DPP6: variants seen among roughly 807,000 people sequenced by gnomAD.
DPP6 encodes the protein A-type potassium channel modulatory protein DPP6.
In DPP6, 69 loss-of-function variants were observed where a neutral mutation model predicts 122.6. That is an observed-to-expected ratio of 0.56 (90% CI 0.46 to 0.69). The LOEUF is 0.69. DPP6 is among the 30% of genes least tolerant of loss of function. The pLI is 0.00. For missense variants in DPP6, 928 were observed against 1,116.9 expected, an observed-to-expected ratio of 0.83 and a Z score of 2.41; for synonymous variants, 418 against 433.1, an observed-to-expected ratio of 0.97 and a Z score of 0.43.
chr7:154,619,069 T>C (rs778144202), intron 5 of DPP6, among the ~76,000 whole-genome samples: 3 of 152,196 alleles, frequency 2.0e-5, no homozygotes, highest in Non-Finnish European at 2.9e-5. Flanking sequence ...CCATGTAAGA[T>C]GTGACTTTGC....
At chr7:153,923,111 G>C (rs540855866) in intron 1 of DPP6, among the ~76,000 whole-genome samples, 1 of 152,196 alleles carries the variant, frequency 6.6e-6, no homozygotes, top group South Asian at 2.1e-4. Context: ...ACCAGCTGCC[G>C]CCAAACAGCC....
At chr7:153,851,659 A>T in the DPP6 span, among the ~76,000 whole-genome samples, 1 of 152,112 alleles carries the variant, frequency 6.6e-6, no homozygotes. Flanking sequence ...TATAAAGAAT[A>T]ATTTCAATAT....
the DPP6 span, among the ~76,000 whole-genome samples, chr7:153,847,755 GT>G: frequency 4.6e-5 from 7 of 152,126 alleles, no homozygotes; most frequent in Non-Finnish European, 7.3e-5. Flanking sequence ...TCTATGTCCA[GT>G]TTTTTTCATC....
chr7:154,663,141 G>A lies in DPP6; in HGVS notation c.681-6219G>A, dbSNP rs1453547834. 4.2e-4 allele frequency among the ~76,000 whole-genome samples: 26 copies of A among 62,480 alleles called. 7 individuals are homozygous for A. Among genetic ancestry groups the A allele is most frequent in the Non-Finnish European group, 9.0e-4 (22 of 24,314 alleles). 41.0% of individuals were successfully genotyped at this position (62,480 alleles called of 152,430 possible). A position where few individuals can be genotyped will look rare whatever the true frequency, so the allele number is the denominator to read the frequency against. ...ATGGCATATTGGCCGTAGTGTTCAC[G>A]CAGTCATGGTGAATCACCATGGCGT... On this transcript the variant is annotated intron_variant, in intron 6 of 25. Transcript: ENST00000377770.
chr7:153,841,876 G>A, the DPP6 span, among the ~76,000 whole-genome samples: 3 of 152,166 alleles, frequency 2.0e-5, no homozygotes, highest in South Asian at 2.1e-4. Flanking sequence ...CTTTCTATGC[G>A]TTATATTCGT....
At chr7:153,884,974 G>A (rs1469915973), upstream of DPP6, among the ~76,000 whole-genome samples, 2 of 116,180 alleles carry the variant, frequency 1.7e-5, no homozygotes, top group South Asian at 3.4e-4. Context: ...GCAAGACTCC[G>A]TCTCAAAACA....
intron 8 of DPP6, among the ~76,000 whole-genome samples, chr7:154,764,941 AAGC>A (rs907767391): frequency 3.9e-5 from 6 of 152,062 alleles, no homozygotes; most frequent in Non-Finnish European, 8.8e-5. Context: ...ACTCCTAAGA[AAGC>A]AGCACCAAAC....
At chr7:153,855,214 T>G in the DPP6 span, among the ~76,000 whole-genome samples, 2 of 151,156 alleles carry the variant, frequency 1.3e-5, no homozygotes, top group African/African-American at 4.9e-5. Context: ...AATGTGCACA[T>G]GTACCCTAAA....
At chr7:154,466,203 C>T (rs539904796) in intron 2 of DPP6, among the ~76,000 whole-genome samples, 11 of 147,166 alleles carry the variant, frequency 7.5e-5, no homozygotes, top group Non-Finnish European at 8.9e-5. Flanking sequence ...TGGGGCCTGT[C>T]GAGGGGTGGG....
intron 3 of DPP6, among the ~76,000 whole-genome samples, chr7:154,479,132 A>T (rs1563735068): frequency 1.3e-5 from 2 of 152,212 alleles, no homozygotes; most frequent in Non-Finnish European, 2.9e-5. Context: ...TTAATTTTTT[A>T]AATCTACCTT....
intron 1 of DPP6, among the ~76,000 whole-genome samples, chr7:154,090,733 A>G (rs542020785): frequency 1.3e-5 from 2 of 149,638 alleles, no homozygotes; most frequent in East Asian, 4.0e-4. Context: ...GCTGAATCCA[A>G]TCCTTGGCTT....
intron 1 of DPP6, among the ~76,000 whole-genome samples, chr7:154,436,338 T>C (rs1292111091): frequency 2.6e-5 from 4 of 151,708 alleles, no homozygotes; most frequent in African/African-American, 7.3e-5. Context: ...CCTTCCTGTA[T>C]ACTCTTCAAC....
intron 1 of DPP6, among the ~76,000 whole-genome samples, chr7:154,440,295 G>A (rs1018422564): frequency 5.9e-5 from 9 of 152,044 alleles, no homozygotes; most frequent in Non-Finnish European, 8.8e-5. Flanking sequence ...ACATGGAGGC[G>A]GCATTAATTC....
chr7:154,286,554 G>A (rs1804862800), intron 1 of DPP6, among the ~76,000 whole-genome samples: 1 of 152,130 alleles, frequency 6.6e-6, no homozygotes, highest in Non-Finnish European at 1.5e-5. Context: ...TATTTATTGA[G>A]AAGACCTGAA....
rs530608054 is a variant in DPP6 at position 154,014,040 on chromosome 7, TCTTC to T, written c.51+126310_51+126313del. ...CCAGGATTGCCCTGGCCAGTGCAGC[TCTTC>T]CTTAGGTTCTAGAACCACTACCTAA... On this transcript the variant is annotated intron_variant, in intron 1 of 25. Coordinates refer to the DPP6 transcript ENST00000404039. Among the ~76,000 whole-genome samples the T allele has an allele frequency of 1.2e-3, 177 of 152,282 alleles. 1 individual carries two copies. The highest frequency in any genetic ancestry group is 4.0e-3 in the African/African-American group (166 of 41,546).
At chr7:154,789,806 A>C (rs1294058971) in intron 10 of DPP6, among the ~76,000 whole-genome samples, 1 of 152,222 alleles carries the variant, frequency 6.6e-6, no homozygotes, top group Non-Finnish European at 1.5e-5. Flanking sequence ...CAAGGTGCCT[A>C]CCTTGTCCCC....
At position 154,004,473 on chromosome 7, in the gene DPP6, A is replaced by G. The variant is rs1298669891; in HGVS notation, c.51+116739A>G. Among the ~76,000 whole-genome samples, 7 of 151,900 alleles carry G rather than the reference A, an allele frequency of 4.6e-5. No individual in the cohort carries two copies. The East Asian group carries it at 1.4e-3, about 29-fold the overall frequency. ...ATCAGGCATAATATATCCAAAGTGT[A>G]AAGTCTTTGGAAACTCTCGATGAAG... On this transcript the variant is annotated intron_variant, in intron 1 of 25. Transcript: ENST00000404039.
At chr7:154,236,918 T>C (rs973536887) in intron 1 of DPP6, among the ~76,000 whole-genome samples, 3 of 152,096 alleles carry the variant, frequency 2.0e-5, no homozygotes, top group African/African-American at 2.4e-5. Context: ...CCAGCCTCCA[T>C]TGCACAACCT....
intron 2 of DPP6, among the ~76,000 whole-genome samples, chr7:154,451,255 G>A (rs1251844985): frequency 1.3e-5 from 2 of 151,670 alleles, no homozygotes; most frequent in African/African-American, 4.8e-5. Context: ...CAGCTACTCA[G>A]GAGGCTGAGC....
Sources: gnomAD v4.1 joint callset for allele counts (sites outside exome capture counted in the v4.1 genomes callset) on GRCh38, gnomAD v4.1.1 for gene constraint, MANE v1.5 for transcripts, NCBI Gene and HGNC (gene_info 2026-07-23, HGNC 2026-07-21) for gene names.